Variants in TENM1 observed in about 807,000 individuals in gnomAD.
TENM1 encodes the protein teneurin-1.
A neutral mutation model predicts 174.8 loss-of-function variants in TENM1; 35 were observed. The observed-to-expected ratio is 0.20, with a 90% CI of 0.15 to 0.27. The LOEUF is 0.27. TENM1 is among the 10% of genes least tolerant of loss of function. TENM1 has a pLI of 1.00. For synonymous variants in TENM1, 781 were observed against 798.7 expected, an observed-to-expected ratio of 0.98 and a Z score of 0.37; for missense variants, 1,633 against 2,130.1, an observed-to-expected ratio of 0.77 and a Z score of 4.59.
the TENM1 span, among the ~76,000 whole-genome samples, chrX:125,100,783 T>C: frequency 9.0e-6 from 1 of 111,712 alleles, no homozygotes; most frequent in Non-Finnish European, 1.9e-5. Context: ...TCCTCCTGAT[T>C]TTGTAAAGTA....
At chrX:124,598,785 G>A (rs1213203616) in intron 11 of TENM1, among the ~76,000 whole-genome samples, 1 of 111,096 alleles carries the variant, frequency 9.0e-6, no homozygotes, top group Non-Finnish European at 1.9e-5. Context: ...AGGGAGATGG[G>A]GATGGTTAGT....
intron 1 of TENM1, among the ~76,000 whole-genome samples, chrX:124,960,972 T>C (rs1160105186): frequency 8.9e-6 from 1 of 112,034 alleles, no homozygotes; most frequent in Non-Finnish European, 1.9e-5. Flanking sequence ...AAGAAAGATA[T>C]AAAACTTTTA....
At chrX:124,836,631 C>T (rs1393410521) in intron 3 of TENM1, among the ~76,000 whole-genome samples, 2 of 112,135 alleles carry the variant, frequency 1.8e-5, no homozygotes, top group Non-Finnish European at 1.9e-5. Context: ...AGACAGCTCC[C>T]GATAGCGGGA....
intron 3 of TENM1, among the ~76,000 whole-genome samples, chrX:124,809,750 G>A (rs766460435): frequency 1.6e-4 from 17 of 109,010 alleles, no homozygotes; most frequent in Admixed American, 6.0e-4. Context: ...AGGCTTAATC[G>A]ACTCTGAGTT....
At chrX:124,459,065 T>C (rs1375342743) in intron 22 of TENM1, among the ~76,000 whole-genome samples, 1 of 111,181 alleles carries the variant, frequency 9.0e-6, no homozygotes, top group Non-Finnish European at 1.9e-5. Context: ...GCAATTGCAA[T>C]GCCATTAGAT....
At chrX:124,980,322 C>T in the TENM1 span, among the ~76,000 whole-genome samples, 1 of 111,277 alleles carries the variant, frequency 9.0e-6, no homozygotes, top group Non-Finnish European at 1.9e-5. Flanking sequence ...GCGCTGGGTT[C>T]ATCTAATTGT....
At chrX:125,166,961 G>A in the TENM1 span, among the ~76,000 whole-genome samples, 1 of 111,787 alleles carries the variant, frequency 8.9e-6, no homozygotes, top group Non-Finnish European at 1.9e-5. Context: ...TGACCAAGCA[G>A]TCTCTTCAAT....
chrX:124,896,665 T>C (rs1036919707), intron 1 of TENM1, among the ~76,000 whole-genome samples: 1 of 111,890 alleles, frequency 8.9e-6, no homozygotes, highest in South Asian at 3.7e-4. Context: ...TCCATACACA[T>C]TGGATTTAAG....
intron 4 of TENM1, among the ~76,000 whole-genome samples, chrX:124,723,603 G>GTTTTTTTTTTTTTTTTT (rs1198093791): frequency 1.3e-5 from 1 of 74,935 alleles, no homozygotes. Context: ...TTTTTTTTTT[G>GTTTTTTTTTTTTTTTTT]TTTTTTTTTT....
chrX:124,634,847 C>G (rs1316008458), intron 11 of TENM1, among the ~76,000 whole-genome samples: 1 of 111,718 alleles, frequency 9.0e-6, no homozygotes, highest in Non-Finnish European at 1.9e-5. Flanking sequence ...TTACAACCTC[C>G]TCCTCTAATT....
chrX:124,421,295 T>C (rs1387012033), intron 24 of TENM1, among the ~76,000 whole-genome samples: 1 of 112,194 alleles, frequency 8.9e-6, no homozygotes, highest in Non-Finnish European at 1.9e-5. Context: ...ATTCAGAACA[T>C]CAAATTTGAT....
chrX:124,433,553 G>C (rs1222818257), intron 23 of TENM1, among the ~76,000 whole-genome samples: 1 of 111,621 alleles, frequency 9.0e-6, no homozygotes, highest in African/African-American at 3.3e-5. Context: ...ATGAGTTTTC[G>C]ACGGCAAAGA....
At chrX:124,723,166 C>T (rs2148524533) in intron 4 of TENM1, among the ~76,000 whole-genome samples, 1 of 111,803 alleles carries the variant, frequency 8.9e-6, no homozygotes, top group Non-Finnish European at 1.9e-5. Context: ...CAAAACCCTA[C>T]TTTACCTTTT....
At chrX:124,992,903 C>T in the TENM1 span, among the ~76,000 whole-genome samples, 9 of 110,869 alleles carry the variant, frequency 8.1e-5, no homozygotes, top group African/African-American at 2.9e-4. Flanking sequence ...GCATTTTCTC[C>T]AATTAATATG....
chrX:124,740,120 G>C (rs1325033033), intron 3 of TENM1, among the ~76,000 whole-genome samples: 5 of 111,675 alleles, frequency 4.5e-5, no homozygotes, highest in African/African-American at 1.6e-4. Flanking sequence ...ACGTGTGGGA[G>C]AGCACTTAAT....
At chrX:124,976,859 C>G in the TENM1 span, among the ~76,000 whole-genome samples, 1 of 112,011 alleles carries the variant, frequency 8.9e-6, no homozygotes, top group Non-Finnish European at 1.9e-5. Context: ...AGGCCACAAG[C>G]AGGAAATTTG....
chrX:124,714,577 T>C (rs2053135485), intron 4 of TENM1, among the ~76,000 whole-genome samples: 2 of 111,896 alleles, frequency 1.8e-5, no homozygotes, highest in African/African-American at 6.5e-5. Context: ...CTTATCATCA[T>C]TGTGAAAGTG....
chrX:125,143,690 C>T, the TENM1 span, among the ~76,000 whole-genome samples: 1 of 110,999 alleles, frequency 9.0e-6, no homozygotes, highest in East Asian at 2.8e-4. Context: ...CATTGTGATA[C>T]AATGTTGAAA....
intron 3 of TENM1, among the ~76,000 whole-genome samples, chrX:124,845,569 C>T (rs1314424642): frequency 9.0e-6 from 1 of 111,723 alleles, no homozygotes; most frequent in Admixed American, 9.5e-5. Flanking sequence ...TTCCGAGCAT[C>T]AGATAAGTCC....
Sources: gnomAD v4.1 joint callset for allele counts (sites outside exome capture counted in the v4.1 genomes callset) on GRCh38, gnomAD v4.1.1 for gene constraint, MANE v1.5 for transcripts, NCBI Gene and HGNC (gene_info 2026-07-23, HGNC 2026-07-21) for gene names.